Variants in DCST1 observed in about 807,000 individuals in gnomAD.
DCST1 encodes the protein E3 ubiquitin-protein ligase DCST1.
Under a neutral mutation model 89.1 loss-of-function variants are expected in DCST1, and 78 were observed. The ratio of observed to expected loss-of-function variants is 0.88; its 90% CI spans 0.73 to 1.06. The LOEUF (loss-of-function observed/expected upper bound fraction) is 1.06. Ranked by LOEUF, DCST1 falls within the 50% of genes least tolerant of loss-of-function variation. The pLI, the probability that DCST1 is intolerant of heterozygous loss-of-function variation, is 0.00. For missense variants in DCST1, 900 were observed against 928.6 expected (o/e 0.97, Z 0.40); for synonymous variants, 364 against 371.9 (o/e 0.98, Z 0.24).
intron 14 of DCST1, 22 bp downstream of exon 14, chr1:155,047,334 G>C (rs982083682): frequency 2.5e-6 from 4 of 1,600,314 alleles, no homozygotes; most frequent in Admixed American, 1.7e-5. Context: ...TGAAAGTTTG[G>C]ATCAGAGGAA....
chr1:155,035,628 T>TA (rs1042601839), intron 4 of DCST1, among the ~76,000 whole-genome samples: 7 of 151,192 alleles, frequency 4.6e-5, no homozygotes, highest in African/African-American at 1.2e-4. Flanking sequence ...CAGAAAAAAA[T>TA]AAAAAAAGAG....
At chr1:155,045,045 G>A (rs1178958235) in intron 10 of DCST1, 2 of 152,290 alleles carry the variant, frequency 1.3e-5, no homozygotes, top group Non-Finnish European at 1.5e-5. Context: ...CGGGAGGGCA[G>A]GCCCTGGCTC....
In DCST1 at chr1:155,050,922, T is replaced by C; in HGVS notation, c.*54T>C. On this transcript the variant is annotated 3_prime_UTR_variant, in exon 17 of 17. Transcript: ENST00000295542. ...GTCCTTCCCGGTTAATAAAATGCCC[T>C]GTACGCTTCACGTGGGTCGGGGACT... is the stretch of plus-strand genomic sequence containing the variant. The C allele has an allele frequency of 6.3e-7, 1 of 1,578,632 alleles. No homozygotes were observed. The highest frequency in any genetic ancestry group is 8.7e-7 in the Non-Finnish European group (1 of 1,156,054).
Position 155,050,841 on chromosome 1 carries a change from C to G in DCST1, c.2094C>G (p.Ser698Arg), listed in dbSNP as rs781380201. Residue 698 changes from serine (S) to arginine (R), a missense_variant, in exon 17 of 17, where the codon AGC becomes AGG. Ser to Arg is a moderately radical substitution (Grantham distance 110). Transcript: ENST00000295542. ...EELSSSAFSD[S>R]NDDTAYAG ...TCTCTTCCTCCGCCTTTAGTGACAG[C>G]AACGACGACACTGCCTACGCGGGGT... 15 of 1,612,262 alleles carry G rather than the reference C, an allele frequency of 9.3e-6. No homozygotes were observed. Among genetic ancestry groups the G allele is most frequent in the Non-Finnish European group, 1.3e-5 (15 of 1,178,968 alleles).
At position 155,034,044 on chromosome 1, in the gene DCST1, T is replaced by G; in HGVS notation, c.8T>G (p.Ile3Ser). The G allele has an allele frequency of 6.2e-7, 1 of 1,614,028 alleles. No homozygotes were observed. The highest frequency in any genetic ancestry group is 1.1e-5 in the South Asian group (1 of 91,072). Residue 3 changes from isoleucine (I) to serine (S), a missense_variant, in exon 2 of 17, where the codon ATT becomes AGT. Transcript: ENST00000295542. MD[I>S]KHHQNGTRGQ... ...CTTCCCCAAAACAGACTCATGGACA[T>G]TAAACATCATCAGAATGGCACAAGA...
chr1:155,042,815 C>T lies in DCST1; in HGVS notation c.973C>T (p.Arg325Cys), dbSNP rs748373788. The change falls in exon 9 of 17, where the codon CGT becomes TGT. Residue 325 changes from arginine to cysteine, a missense_variant. Coordinates refer to ENST00000295542, the MANE Select transcript of DCST1 (RefSeq NM_152494.4). ...CTACGACTCCCTCAACCAGTCTATTCGTGGCCTGGATGGGGAATTTTCAGC... is the reference window on the plus strand; with the variant it reads ...CTACGACTCCCTCAACCAGTCTATTTGTGGCCTGGATGGGGAATTTTCAGC... ...QTYDSLNQSIRGLDGEFSANI... is the reference protein window; with the variant it reads ...QTYDSLNQSICGLDGEFSANI... The T allele has an allele frequency of 6.8e-6, 11 of 1,614,034 alleles. No individual in the cohort carries two copies. In the East Asian group the frequency reaches 1.1e-4, roughly 16 times the overall value.
In DCST1 at chr1:155,040,594, C is replaced by A; in HGVS notation, c.501C>A (p.Ala167=). 1 of 1,583,652 alleles carries A rather than the reference C, an allele frequency of 6.3e-7. No individual in the cohort carries two copies. Among genetic ancestry groups the A allele is most frequent in the Non-Finnish European group, 8.6e-7 (1 of 1,164,188 alleles). The part of the protein sequence containing the change: ...NTRAAWRIST[A]PLRAMFKDLL... ...GCGCAGCTTGGCGCATCTCCACAGC[C>A]CCCTTACGGGCCATGTTCAAGGACC... The change falls in exon 6 of 17, where the codon GCC becomes GCA. Residue 167 remains alanine, a synonymous_variant. Transcript: ENST00000295542.
At position 155,034,469 on chromosome 1, in the gene DCST1, C is replaced by G. The variant is rs917253604; in HGVS notation, c.96C>G (p.Val32=). The part of the protein sequence containing the change: ...VQRLLTWGLP[V]SCSWFLWRQP... ...GGCTCCTGACCTGGGGGCTGCCAGTCTCCTGTAGCTGGTTCCTGTGGCGCC... is the reference window on the plus strand; with the variant it reads ...GGCTCCTGACCTGGGGGCTGCCAGTGTCCTGTAGCTGGTTCCTGTGGCGCC... The change falls in exon 3 of 17, where the codon GTC becomes GTG. Residue 32 remains valine, a synonymous_variant. Transcript: ENST00000295542. The G allele has an allele frequency of 1.6e-5, 26 of 1,613,992 alleles. No homozygotes were observed. Among genetic ancestry groups the G allele is most frequent in the African/African-American group, 2.7e-5 (2 of 74,932 alleles).
intron 6 of DCST1, 95 bp downstream of exon 6, chr1:155,040,719 C>T: frequency 6.9e-6 from 10 of 1,458,812 alleles, no homozygotes; most frequent in African/African-American, 1.4e-5. Context: ...TACAGTTTCC[C>T]AATGGGGATA....
chr1:155,048,154 G>A lies in DCST1; in HGVS notation c.1853G>A (p.Arg618Gln), dbSNP rs138272393. The change falls in exon 16 of 17, where the codon CGA (arginine) becomes CAA (glutamine). Residue 618 changes from arginine to glutamine, a missense_variant. Physicochemically the swap from Arg to Gln is conservative, Grantham distance 43. Coordinates refer to ENST00000295542, the MANE Select transcript of DCST1 (RefSeq NM_152494.4). The part of the protein sequence containing the change: ...LRRAAILRRE[R>Q]QQKAPRHPLA... Reference sequence around the variant, plus strand: ...AGGGCCGCTATCCTGAGGCGGGAGCGACAGCAGAAGGCTCCGGTAAGTCCA... The same window carrying A: ...AGGGCCGCTATCCTGAGGCGGGAGCAACAGCAGAAGGCTCCGGTAAGTCCA... 3.0e-5 allele frequency: 49 copies of A among 1,613,804 alleles called. No individual in the cohort carries two copies. The African/African-American group carries it at 3.2e-4, about 11-fold the overall frequency.
intron 16 of DCST1, chr1:155,049,037 C>A (rs1173330213): frequency 5.6e-6 from 4 of 717,286 alleles, no homozygotes; most frequent in Non-Finnish European, 1.0e-5. Context: ...AATGGCAAGA[C>A]TGGAGAGATC....
chr1:155,035,051 A>C (rs1660231080), intron 4 of DCST1: 2 of 285,166 alleles, frequency 7.0e-6, no homozygotes, highest in South Asian at 1.2e-4. Context: ...TAAGAAATTA[A>C]ATTCATTCAT....
chr1:155,043,312 G>A, intron 9 of DCST1, 40 bp from the exon 10 acceptor site: 5 of 1,613,604 alleles, frequency 3.1e-6, no homozygotes, highest in Non-Finnish European at 4.2e-6. Flanking sequence ...GGTCTGACGA[G>A]GTGGCCGCAG....
rs1459916547 is a variant in DCST1 at position 155,047,929 on chromosome 1, G to A, written c.1755G>A (p.Lys585=). 1 of 1,613,910 alleles carries A rather than the reference G, an allele frequency of 6.2e-7. No homozygotes were observed. Among genetic ancestry groups the A allele is most frequent in the East Asian group, 2.2e-5 (1 of 44,866 alleles). ...TCATCGCAGCCTTCTACTTCCCCAA[G>A]GTTTGCCCCTCCCCAGACCTCTCCA... ...RRVIAAFYFP[K]REKKRILFLY... The change falls in exon 15 of 17, where the codon AAG becomes AAA. Residue 585 remains lysine, a splice_region_variant and synonymous_variant. Transcript: ENST00000295542.
intron 13 of DCST1, 91 bp downstream of exon 13, chr1:155,046,577 A>C: frequency 7.7e-7 from 1 of 1,298,342 alleles, no homozygotes. Flanking sequence ...TAGTTCTTCC[A>C]ACTGTGCCTC....
chr1:155,047,986 C>A, intron 15 of DCST1, 57 bp downstream of exon 15: 1 of 1,611,354 alleles, frequency 6.2e-7, no homozygotes, highest in Non-Finnish European at 8.5e-7. Context: ...ACACACACAC[C>A]ACCCAGCTCC....
chr1:155,038,761 C>A (rs79814035), intron 4 of DCST1, among the ~76,000 whole-genome samples: 1 of 152,192 alleles, frequency 6.6e-6, no homozygotes, highest in Non-Finnish European at 1.5e-5. Flanking sequence ...GCTCCCACAG[C>A]GCTCTATAAG....
chr1:155,034,419 C>A lies in DCST1; in HGVS notation c.62-16C>A, dbSNP rs1419281632. The A allele has an allele frequency of 6.2e-7, 1 of 1,613,850 alleles. No homozygotes were observed. Among genetic ancestry groups the A allele is most frequent in the African/African-American group, 1.3e-5 (1 of 74,926 alleles). ...GCAGAAGAGTGGGCTGTTGAGCTAC[C>A]CTGTCCCCCTCTTAGCGGTGCAGAG... On this transcript the variant is annotated splice_polypyrimidine_tract_variant and intron_variant, in intron 2 of 16. Coordinates refer to ENST00000295542, the MANE Select transcript of DCST1 (RefSeq NM_152494.4).
At chr1:155,047,128 C>T (rs1660672603) in intron 13 of DCST1, 68 bp from the exon 14 acceptor site, 1 of 1,263,830 alleles carries the variant, frequency 7.9e-7, no homozygotes, top group African/African-American at 1.5e-5. Context: ...TCCCTGACAT[C>T]CACCCCCTTA....
Sources: gnomAD v4.1 joint callset for allele counts (sites outside exome capture counted in the v4.1 genomes callset) on GRCh38, gnomAD v4.1.1 for gene constraint, MANE v1.5 for transcripts, NCBI Gene and HGNC (gene_info 2026-07-23, HGNC 2026-07-21) for gene names.